The following SLCO6A1 variants were observed in gnomAD, a reference collection of about 807,000 sequenced individuals.
The protein encoded by SLCO6A1 is cancer/testis antigen 48.
Under a neutral mutation model 72.7 loss-of-function variants are expected in SLCO6A1, and 65 were observed. That is an observed-to-expected ratio of 0.89 (90% confidence interval 0.73 to 1.10). The LOEUF (loss-of-function observed/expected upper bound fraction) is 1.10. Ranked by LOEUF, SLCO6A1 falls within the 50% of genes least tolerant of loss-of-function variation. The pLI is 0.00. For missense variants in SLCO6A1, 874 were observed against 872.6 expected (o/e 1.00, Z -0.02); for synonymous variants, 314 against 298.2 (o/e 1.05, Z -0.55).
chr5:102,489,343 G>T (rs1464131811), intron 1 of SLCO6A1, among the ~76,000 whole-genome samples: 1 of 152,038 alleles, frequency 6.6e-6, no homozygotes, highest in African/African-American at 2.4e-5. Context: ...ATGGAAAAGG[G>T]GGATTTCCAG....
chr5:102,459,878 G>GCA, intron 4 of SLCO6A1, 101 bp from the exon 5 acceptor site: 4 of 961,696 alleles, frequency 4.2e-6, no homozygotes, highest in Non-Finnish European at 2.9e-6. Flanking sequence ...AGAGAGGGAG[G>GCA]GTTGGAGAGT....
chr5:102,484,344 T>C (rs554725170), intron 1 of SLCO6A1, among the ~76,000 whole-genome samples: 1 of 152,252 alleles, frequency 6.6e-6, no homozygotes, highest in African/African-American at 2.4e-5. Flanking sequence ...CGGTACAGAA[T>C]ATTATATCAA....
intron 7 of SLCO6A1, among the ~76,000 whole-genome samples, chr5:102,425,931 AT>A: frequency 6.6e-6 from 1 of 152,318 alleles, no homozygotes; most frequent in Non-Finnish European, 1.5e-5. Context: ...ATATAGACCA[AT>A]GGAACAGAAC....
chr5:102,440,136 T>C (rs1749753019), intron 6 of SLCO6A1, among the ~76,000 whole-genome samples: 1 of 152,186 alleles, frequency 6.6e-6, no homozygotes, highest in African/African-American at 2.4e-5. Context: ...ATGGGTATTC[T>C]AGCAAACAGA....
At chr5:102,399,917 T>C (rs1331044867) in intron 9 of SLCO6A1, among the ~76,000 whole-genome samples, 175 bp from the exon 10 acceptor site, 4 of 149,504 alleles carry the variant, frequency 2.7e-5, no homozygotes, top group Admixed American at 6.7e-5. Flanking sequence ...TAATGATAAA[T>C]CCAAGGTATT....
chr5:102,470,694 G>T (rs187242363), intron 4 of SLCO6A1, among the ~76,000 whole-genome samples: 2 of 152,046 alleles, frequency 1.3e-5, no homozygotes, highest in Admixed American at 1.3e-4. Context: ...CTAGGGATGG[G>T]GCTTCCTGAA....
Position 102,498,901 on chromosome 5 carries a change from T to A in SLCO6A1, c.-57A>T. ...CCCGAGTGCTCTCGGCTGCCCGTCCTGCCTGGGCCAACCCAAAGGCCAGCC... is the reference window on the plus strand; with the variant it reads ...CCCGAGTGCTCTCGGCTGCCCGTCCAGCCTGGGCCAACCCAAAGGCCAGCC... On this transcript the variant is annotated 5_prime_UTR_variant, in exon 1 of 14. Coordinates refer to ENST00000506729, the MANE Select transcript of SLCO6A1 (RefSeq NM_173488.5). The A allele has an allele frequency of 6.7e-7, 1 of 1,496,310 alleles. No homozygotes were observed. The highest frequency in any genetic ancestry group is 9.0e-7 in the Non-Finnish European group (1 of 1,116,122). 92.7% of individuals were successfully genotyped at this position (1,496,310 alleles called of 1,614,324 possible).
intron 10 of SLCO6A1, among the ~76,000 whole-genome samples, chr5:102,393,248 G>T (rs1419517943): frequency 6.6e-6 from 1 of 152,018 alleles, no homozygotes; most frequent in Non-Finnish European, 1.5e-5. Flanking sequence ...CTCACATTAG[G>T]ATCCTTCAAT....
At chr5:102,400,456 A>G (rs1747336962) in intron 9 of SLCO6A1, among the ~76,000 whole-genome samples, 1 of 152,104 alleles carries the variant, frequency 6.6e-6, no homozygotes, top group Non-Finnish European at 1.5e-5. Flanking sequence ...TCTAGAGTCA[A>G]TGAGATTCAT....
intron 7 of SLCO6A1, among the ~76,000 whole-genome samples, chr5:102,434,891 C>A (rs1221547329): frequency 6.6e-6 from 1 of 152,064 alleles, no homozygotes; most frequent in Non-Finnish European, 1.5e-5. Flanking sequence ...TGCAATTACC[C>A]TGAGTGTAAA....
At chr5:102,467,391 G>A (rs541483113) in intron 4 of SLCO6A1, among the ~76,000 whole-genome samples, 132 of 152,046 alleles carry the variant, frequency 8.7e-4, no homozygotes, top group African/African-American at 3.0e-3. Context: ...GAGCCTGGGT[G>A]ACAGAGTGAG....
intron 4 of SLCO6A1, among the ~76,000 whole-genome samples, chr5:102,471,826 A>C (rs1206734536): frequency 1.3e-5 from 2 of 152,082 alleles, no homozygotes; most frequent in African/African-American, 4.8e-5. Flanking sequence ...TAATGTGGGC[A>C]GACTTCAGGA....
At chr5:102,381,249 C>T (rs1419083629) in intron 12 of SLCO6A1, among the ~76,000 whole-genome samples, 1 of 151,628 alleles carries the variant, frequency 6.6e-6, no homozygotes, top group African/African-American at 2.4e-5. Flanking sequence ...CATCACCAGC[C>T]CCTGTCAACA....
chr5:102,477,628 A>T lies in SLCO6A1; in HGVS notation c.802+48T>A, dbSNP rs775429440. 16 of 1,543,152 alleles carry T rather than the reference A, an allele frequency of 1.0e-5. 1 individual carries two copies. ...AGCTTAGATATGCATACCAAAATTCAAAGAAAACTCAAAATGGGTCAATCG... is the reference window on the plus strand; with the variant it reads ...AGCTTAGATATGCATACCAAAATTCTAAGAAAACTCAAAATGGGTCAATCG... On this transcript the variant is annotated intron_variant, in intron 3 of 13. Transcript: ENST00000506729.
intron 1 of SLCO6A1, among the ~76,000 whole-genome samples, chr5:102,493,051 G>T (rs565725294): frequency 6.6e-6 from 1 of 152,146 alleles, no homozygotes; most frequent in East Asian, 1.9e-4. Flanking sequence ...ATGTACCCTA[G>T]AACTTAAAGT....
intron 6 of SLCO6A1, among the ~76,000 whole-genome samples, chr5:102,440,832 T>C (rs1048416611): frequency 6.6e-6 from 1 of 152,196 alleles, no homozygotes; most frequent in Admixed American, 6.5e-5. Flanking sequence ...AATGTTGCAT[T>C]GGTAACAAGT....
At position 102,388,334 on chromosome 5, in the gene SLCO6A1, TA is replaced by T. The variant is rs201660107; in HGVS notation, c.2017+353del. On this transcript the variant is annotated intron_variant, in intron 12 of 13. Transcript: ENST00000506729. ...CTATATAACTAGATAATCCTTTTAT[TA>T]TTTTTTTATTTTTTGTTTTTTCTTT... 9.8e-3 allele frequency among the ~76,000 whole-genome samples: 1,484 copies of T among 152,090 alleles called. 23 individuals are homozygous for T. Among genetic ancestry groups the T allele is most frequent in the African/African-American group, 0.034 (1,410 of 41,544 alleles).
At chr5:102,482,080 G>A (rs1752224462) in intron 1 of SLCO6A1, among the ~76,000 whole-genome samples, 1 of 152,080 alleles carries the variant, frequency 6.6e-6, no homozygotes, top group African/African-American at 2.4e-5. Context: ...GGAGGATAAT[G>A]GCCAATGTAG....
At chr5:102,404,094 A>C (rs1312695712) in intron 9 of SLCO6A1, among the ~76,000 whole-genome samples, 1 of 152,206 alleles carries the variant, frequency 6.6e-6, no homozygotes. Flanking sequence ...ACTTAGATGT[A>C]CAATATCTAT....
Sources: gnomAD v4.1 joint callset for allele counts (sites outside exome capture counted in the v4.1 genomes callset) on GRCh38, gnomAD v4.1.1 for gene constraint, MANE v1.5 for transcripts, NCBI Gene and HGNC (gene_info 2026-07-23, HGNC 2026-07-21) for gene names.